Variants in SLC9A9 observed in about 807,000 individuals in gnomAD.
SLC9A9 encodes sodium/hydrogen exchanger 9.
In SLC9A9, 62 loss-of-function variants were observed where a neutral mutation model predicts 77.8. The ratio of observed to expected loss-of-function variants is 0.80; its 90% CI spans 0.65 to 0.98. The LOEUF (loss-of-function observed/expected upper bound fraction) is 0.98. Ranked by LOEUF, SLC9A9 falls within the 50% of genes least tolerant of loss-of-function variation. The pLI is 0.00. For missense variants in SLC9A9, 775 were observed against 774.9 expected, an observed-to-expected ratio of 1.00 and a Z score of 0.00; for synonymous variants, 320 against 283.5, an observed-to-expected ratio of 1.13 and a Z score of -1.29.
intron 13 of SLC9A9, among the ~76,000 whole-genome samples, chr3:143,368,318 G>T (rs539354742): frequency 3.3e-5 from 5 of 152,126 alleles, no homozygotes; most frequent in Admixed American, 6.5e-5. Flanking sequence ...GAAAACAAAA[G>T]GTTCTGGCAA....
intron 4 of SLC9A9, among the ~76,000 whole-genome samples, chr3:143,754,515 G>T (rs1300350016): frequency 6.6e-6 from 1 of 152,156 alleles, no homozygotes; most frequent in East Asian, 1.9e-4. Flanking sequence ...CAATAATTGG[G>T]GAATGTGTTA....
intron 11 of SLC9A9, among the ~76,000 whole-genome samples, chr3:143,484,996 T>C (rs1161635312): frequency 4.6e-5 from 7 of 152,232 alleles, no homozygotes; most frequent in South Asian, 4.1e-4. Context: ...CTGGAGTATA[T>C]TGAAGGATTG....
chr3:143,646,881 A>G (rs910424797), intron 6 of SLC9A9, among the ~76,000 whole-genome samples: 2 of 152,126 alleles, frequency 1.3e-5, no homozygotes, highest in Non-Finnish European at 2.9e-5. Context: ...AGATTTAAAT[A>G]TTTGCCAGGT....
At chr3:143,297,412 G>A (rs1231331417) in intron 14 of SLC9A9, among the ~76,000 whole-genome samples, 1 of 152,176 alleles carries the variant, frequency 6.6e-6, no homozygotes, top group Non-Finnish European at 1.5e-5. Flanking sequence ...TTTTATGCCA[G>A]CATCATACTG....
At chr3:143,552,864 C>T (rs899641856) in intron 8 of SLC9A9, among the ~76,000 whole-genome samples, 9 of 152,134 alleles carry the variant, frequency 5.9e-5, no homozygotes, top group Admixed American at 3.3e-4. Context: ...TTGCTTTCCG[C>T]TGTATACTTT....
chr3:143,283,410 A>G (rs1938283238), intron 14 of SLC9A9, among the ~76,000 whole-genome samples: 1 of 152,148 alleles, frequency 6.6e-6, no homozygotes, highest in African/African-American at 2.4e-5. Flanking sequence ...ACTTTCCTGT[A>G]TATACAATCT....
At position 143,287,527 on chromosome 3, in the gene SLC9A9, A is replaced by G. The variant is rs558774012; in HGVS notation, c.1605-18547T>C. The stretch of plus-strand genomic sequence containing the variant: ...ATGATTCACAGGTTACTGAAGCTGA[A>G]AGAACCTGGAGCAGATCGTCCATTG... On this transcript the variant is annotated intron_variant, in intron 14 of 15. Transcript: ENST00000316549. Among the ~76,000 whole-genome samples, 6 of 152,268 alleles carry G rather than the reference A, an allele frequency of 3.9e-5. No homozygotes were observed. In the South Asian group the frequency reaches 8.3e-4, roughly 21 times the overall value.
In SLC9A9 at chr3:143,569,460, A is replaced by G. The variant is rs188218483; in HGVS notation, c.1000+4628T>C. 6.6e-5 allele frequency among the ~76,000 whole-genome samples: 10 copies of G among 152,264 alleles called. No homozygotes were observed. In the East Asian group the frequency reaches 1.9e-3, roughly 29 times the overall value. ...CATCTGGGAAGAAAATCAAATCGCT[A>G]CTATACCCCACACCTCATATCAAAA... On this transcript the variant is annotated intron_variant, in intron 8 of 15. Transcript: ENST00000316549.
chr3:143,665,650 A>G (rs1479670944), intron 5 of SLC9A9, among the ~76,000 whole-genome samples: 1 of 152,232 alleles, frequency 6.6e-6, no homozygotes, highest in Admixed American at 6.5e-5. Flanking sequence ...TAAAGGGGAT[A>G]TCACCACCAA....
chr3:143,599,776 G>A (rs1446377906), intron 6 of SLC9A9, among the ~76,000 whole-genome samples: 3 of 152,042 alleles, frequency 2.0e-5, no homozygotes, highest in Non-Finnish European at 2.9e-5. Flanking sequence ...AATCTTATGC[G>A]TCCCTCAAGA....
chr3:143,632,761 C>T (rs1380415148), intron 6 of SLC9A9, among the ~76,000 whole-genome samples: 4 of 152,110 alleles, frequency 2.6e-5, no homozygotes, highest in African/African-American at 9.7e-5. Context: ...TTTAGAAGTC[C>T]ACACGTTAAG....
intron 4 of SLC9A9, 24 bp downstream of exon 4, chr3:143,794,977 A>T (rs1205098366): frequency 6.2e-7 from 1 of 1,610,256 alleles, no homozygotes; most frequent in South Asian, 1.1e-5. Context: ...GCCACCTGCA[A>T]CTTGAGCTCC....
At chr3:143,638,792 C>T (rs1255877157) in intron 6 of SLC9A9, among the ~76,000 whole-genome samples, 1 of 152,196 alleles carries the variant, frequency 6.6e-6, no homozygotes, top group Non-Finnish European at 1.5e-5. Context: ...TGCTCTTTCC[C>T]AAGGTTTTAA....
At chr3:143,499,320 G>A (rs1379796552) in intron 9 of SLC9A9, among the ~76,000 whole-genome samples, 1 of 151,678 alleles carries the variant, frequency 6.6e-6, no homozygotes, top group Non-Finnish European at 1.5e-5. Flanking sequence ...AATTATTTTG[G>A]CTTTCTTAAA....
At chr3:143,600,479 A>G (rs1343575387) in intron 6 of SLC9A9, among the ~76,000 whole-genome samples, 2 of 151,294 alleles carry the variant, frequency 1.3e-5, no homozygotes, top group Non-Finnish European at 2.9e-5. Context: ...TGTGAAAAAT[A>G]CAACAAGTAG....
chr3:143,333,035 G>GT (rs1037452214), intron 14 of SLC9A9, among the ~76,000 whole-genome samples: 1 of 152,164 alleles, frequency 6.6e-6, no homozygotes, highest in Non-Finnish European at 1.5e-5. Flanking sequence ...ATCTACTGTA[G>GT]TTTTTTAAGG....
chr3:143,747,622 G>A (rs1298418934), intron 4 of SLC9A9, among the ~76,000 whole-genome samples: 2 of 152,132 alleles, frequency 1.3e-5, no homozygotes, highest in Admixed American at 6.5e-5. Flanking sequence ...GAAGACTAGA[G>A]TAATGCAGTC....
intron 12 of SLC9A9, among the ~76,000 whole-genome samples, chr3:143,383,953 A>C (rs923956467): frequency 3.3e-5 from 5 of 152,220 alleles, no homozygotes; most frequent in Admixed American, 2.0e-4. Flanking sequence ...TTCACAGGTA[A>C]GTGTCTTCTG....
At chr3:143,695,342 C>G (rs981448035) in intron 4 of SLC9A9, among the ~76,000 whole-genome samples, 1 of 152,060 alleles carries the variant, frequency 6.6e-6, no homozygotes, top group African/African-American at 2.4e-5. Flanking sequence ...CCTAGTCCCC[C>G]ACACCACAAC....
Sources: gnomAD v4.1 joint callset for allele counts (sites outside exome capture counted in the v4.1 genomes callset) on GRCh38, gnomAD v4.1.1 for gene constraint, MANE v1.5 for transcripts, NCBI Gene and HGNC (gene_info 2026-07-23, HGNC 2026-07-21) for gene names.